PCDH7: variants seen among roughly 807,000 people sequenced by gnomAD.
The protein encoded by PCDH7 is protocadherin-7.
Under a neutral mutation model 58.9 loss-of-function variants are expected in PCDH7, and 17 were observed. The ratio of observed to expected loss-of-function variants is 0.29; its 90% CI spans 0.20 to 0.43. The LOEUF (loss-of-function observed/expected upper bound fraction) is 0.43, where lower values mean the gene tolerates loss of function less well. Among genes scored for constraint, PCDH7 ranks in the 20% least tolerant of loss-of-function variants. The pLI is 1.00. For missense variants in PCDH7, 1,274 were observed against 1,441.0 expected (o/e 0.88, Z 1.88); for synonymous variants, 664 against 616.4 (o/e 1.08, Z -1.14).
chr4:30,990,796 A>G (rs1751404316), intron 3 of PCDH7, among the ~76,000 whole-genome samples: 1 of 152,190 alleles, frequency 6.6e-6, no homozygotes, highest in African/African-American at 2.4e-5. Context: ...CTTCTGCTTA[A>G]TGGCCTCACA....
Position 30,968,401 on chromosome 4 carries a change from TATATATATATATATGG to T in PCDH7, c.*7+18187_*7+18202del, listed in dbSNP as rs1171991799. Reference sequence around the variant, plus strand: ...CTATATATATATATATATATATATATATATATATATATATGGGATATTATGTCAGAATTAAAAAACA... The same window carrying T: ...CTATATATATATATATATATATATATGATATTATGTCAGAATTAAAAAACA... On this transcript the variant is annotated intron_variant, in intron 3 of 3. Coordinates refer to the PCDH7 transcript ENST00000509759. Among the ~76,000 whole-genome samples the T allele has an allele frequency of 5.8e-3, 315 of 54,328 alleles. 5 individuals are homozygous for T. The highest frequency in any genetic ancestry group is 0.028 in the African/African-American group (256 of 9,122). The allele number at this position is 54,328 out of a possible 152,430, so 35.6% of individuals were successfully genotyped here.
chr4:30,817,963 G>T (rs949484755), intron 1 of PCDH7, among the ~76,000 whole-genome samples: 1 of 152,088 alleles, frequency 6.6e-6, no homozygotes, highest in Admixed American at 6.6e-5. Context: ...ACAGGACCTG[G>T]TTTCTCAAGT....
intron 1 of PCDH7, among the ~76,000 whole-genome samples, chr4:30,781,392 G>A (rs1266820845): frequency 6.6e-6 from 1 of 151,548 alleles, no homozygotes; most frequent in African/African-American, 2.4e-5. Context: ...CGCCGGCCTC[G>A]GCCTCCCAAA....
intron 3 of PCDH7, among the ~76,000 whole-genome samples, chr4:31,118,850 A>G (rs1020083574): frequency 6.6e-6 from 1 of 152,194 alleles, no homozygotes; most frequent in Non-Finnish European, 1.5e-5. Context: ...CCCAAGGATC[A>G]AAATTTTAAA....
At chr4:30,753,557 G>A (rs1456661135) in intron 1 of PCDH7, among the ~76,000 whole-genome samples, 3 of 152,110 alleles carry the variant, frequency 2.0e-5, no homozygotes, top group Non-Finnish European at 4.4e-5. Flanking sequence ...AGCATTTCAG[G>A]GGCTATACAC....
At chr4:30,893,444 C>T (rs751608345) in intron 1 of PCDH7, among the ~76,000 whole-genome samples, 1 of 152,018 alleles carries the variant, frequency 6.6e-6, no homozygotes, top group Non-Finnish European at 1.5e-5. Flanking sequence ...CACCAAATAT[C>T]AGTATTCAAT....
intron 1 of PCDH7, among the ~76,000 whole-genome samples, chr4:30,837,106 A>C (rs1730573658): frequency 6.6e-6 from 1 of 151,858 alleles, no homozygotes; most frequent in African/African-American, 2.4e-5. Context: ...GTGTCTTTTT[A>C]ATTTTTTTTT....
intron 3 of PCDH7, among the ~76,000 whole-genome samples, chr4:31,004,024 C>T (rs1752566748): frequency 6.6e-6 from 1 of 152,028 alleles, no homozygotes; most frequent in African/African-American, 2.4e-5. Context: ...TCTTTTGAGG[C>T]CCAGATGAGT....
Position 31,042,771 on chromosome 4 carries a change from A to G in PCDH7, c.*7+92556A>G, listed in dbSNP as rs1348625905. Among the ~76,000 whole-genome samples, 4 of 152,228 alleles carry G rather than the reference A, an allele frequency of 2.6e-5. No homozygotes were observed. In the East Asian group the frequency reaches 5.8e-4, roughly 22 times the overall value. ...GATTGTTTTCAGCAAAATAATGTGC[A>G]TAAAGGAATTACTGTAAAGTTTGAT... On this transcript the variant is annotated intron_variant, in intron 3 of 3. Coordinates refer to the PCDH7 transcript ENST00000509759.
At chr4:30,962,314 A>T (rs1342576959) in intron 3 of PCDH7, among the ~76,000 whole-genome samples, 1 of 152,206 alleles carries the variant, frequency 6.6e-6, no homozygotes, top group Non-Finnish European at 1.5e-5. Flanking sequence ...TTGGGGAGTT[A>T]TTACAGAGCA....
intron 1 of PCDH7, among the ~76,000 whole-genome samples, chr4:30,850,222 G>C (rs921964875): frequency 7.2e-5 from 11 of 152,062 alleles, no homozygotes; most frequent in African/African-American, 2.7e-4. Flanking sequence ...GTGGTTGAGG[G>C]GCAAGGTTTT....
intron 3 of PCDH7, among the ~76,000 whole-genome samples, chr4:31,128,082 T>A (rs1718521337): frequency 6.7e-6 from 1 of 149,040 alleles, no homozygotes; most frequent in South Asian, 2.1e-4. Context: ...TGTGTATATA[T>A]ATGCATATAT....
rs28645676 is a variant in PCDH7 at position 31,084,883 on chromosome 4, A to T, written c.*8-57590A>T. Among the ~76,000 whole-genome samples the T allele has an allele frequency of 3.1e-3, 474 of 152,004 alleles. 4 individuals are homozygous for T. Among genetic ancestry groups the T allele is most frequent in the African/African-American group, 0.01 (429 of 41,472 alleles). On this transcript the variant is annotated intron_variant, in intron 3 of 3. Coordinates refer to the PCDH7 transcript ENST00000509759. ...CAAGAACTCACTCATCACCAAGGGG[A>T]TGGCACTAAGCCGTTCATGAAGGAT...
At chr4:31,145,119 C>T (rs995772098), downstream of PCDH7, 1 of 151,694 alleles carries the variant, frequency 6.6e-6, no homozygotes, top group African/African-American at 2.4e-5. Flanking sequence ...TCATTTCACC[C>T]TATCTTAAAC....
chr4:30,932,107 T>C (rs28438863), intron 2 of PCDH7, among the ~76,000 whole-genome samples: 1,938 of 152,318 alleles, frequency 0.013, 39 homozygotes, highest in African/African-American at 0.044. Context: ...TTTAAGATTC[T>C]TGACATTGTA....
intron 3 of PCDH7, among the ~76,000 whole-genome samples, chr4:31,113,675 A>T (rs1201996765): frequency 1.3e-5 from 2 of 152,144 alleles, no homozygotes; most frequent in Non-Finnish European, 2.9e-5. Context: ...ATACATTTTC[A>T]GAAATAGAAC....
At chr4:30,797,455 T>C (rs2109303504) in intron 1 of PCDH7, among the ~76,000 whole-genome samples, 1 of 151,976 alleles carries the variant, frequency 6.6e-6, no homozygotes, top group South Asian at 2.1e-4. Context: ...TTTGTAGTTT[T>C]AGTAGAGACA....
chr4:30,987,857 T>A, intron 3 of PCDH7: 1 of 152,136 alleles, frequency 6.6e-6, no homozygotes, highest in East Asian at 1.9e-4. Context: ...AGAAATACTT[T>A]TCTTATTAGG....
chr4:30,858,103 T>C (rs1415884037), intron 1 of PCDH7, among the ~76,000 whole-genome samples: 1 of 152,158 alleles, frequency 6.6e-6, no homozygotes, highest in Non-Finnish European at 1.5e-5. Flanking sequence ...CATATGAACT[T>C]TTGCCTACAT....
Sources: allele counts gnomAD v4.1 joint callset (sites outside exome capture counted in the v4.1 genomes callset), GRCh38; gene constraint gnomAD v4.1.1; transcripts MANE v1.5; gene names NCBI Gene and HGNC (gene_info 2026-07-23, HGNC 2026-07-21).